Variants in FARS2 observed in about 807,000 individuals in gnomAD.
The protein encoded by FARS2 is phenylalanyl-tRNA synthetase 2, mitochondrial.
FARS2 carries 40 observed loss-of-function variants against 46.4 expected under a neutral mutation model. The ratio of observed to expected loss-of-function variants is 0.86; its 90% CI spans 0.67 to 1.12. The LOEUF (loss-of-function observed/expected upper bound fraction) is 1.12. Ranked by LOEUF, FARS2 falls within the 50% of genes most tolerant of loss-of-function variation. The pLI, the probability that FARS2 is intolerant of heterozygous loss-of-function variation, is 0.00. For synonymous variants in FARS2, 234 were observed against 214.9 expected (o/e 1.09, Z -0.78); for missense variants, 513 against 567.9 (o/e 0.90, Z 0.98).
intron 1 of FARS2, among the ~76,000 whole-genome samples, chr6:5,352,990 C>A (rs1757669383): frequency 6.6e-6 from 1 of 152,166 alleles, no homozygotes. Flanking sequence ...AATCACCCTT[C>A]TGCACAGTAG....
At chr6:5,733,753 A>G (rs981783741) in intron 6 of FARS2, among the ~76,000 whole-genome samples, 9 of 152,182 alleles carry the variant, frequency 5.9e-5, no homozygotes, top group Non-Finnish European at 1.3e-4. Flanking sequence ...CATAGCTGCC[A>G]CACACTGATA....
chr6:5,566,242 G>A (rs1406542351), intron 5 of FARS2, among the ~76,000 whole-genome samples: 2 of 152,116 alleles, frequency 1.3e-5, no homozygotes, highest in Non-Finnish European at 2.9e-5. Context: ...CGGGAGTGGG[G>A]ATGTTTCCTT....
chr6:5,701,403 G>A (rs990792047), intron 6 of FARS2, among the ~76,000 whole-genome samples: 3 of 152,222 alleles, frequency 2.0e-5, no homozygotes, highest in Non-Finnish European at 4.4e-5. Context: ...GTCATTGGGG[G>A]AAGCATGCAG....
At chr6:5,369,222 A>G (rs770466189) in intron 2 of FARS2, 40 bp downstream of exon 2, 5 of 1,581,454 alleles carry the variant, frequency 3.2e-6, no homozygotes, top group South Asian at 1.1e-5. Flanking sequence ...AGGATGTCAT[A>G]GACATTTTAT....
At chr6:5,304,976 G>T (rs959607800) in intron 1 of FARS2, among the ~76,000 whole-genome samples, 1 of 152,138 alleles carries the variant, frequency 6.6e-6, no homozygotes, top group African/African-American at 2.4e-5. Flanking sequence ...AAGGAGCTTG[G>T]TAGGAGCAGT....
At chr6:5,595,198 T>C (rs1774129208) in intron 5 of FARS2, among the ~76,000 whole-genome samples, 1 of 152,250 alleles carries the variant, frequency 6.6e-6, no homozygotes, top group African/African-American at 2.4e-5. Flanking sequence ...TCTCTAGCTC[T>C]GAGTTTGACC....
intron 6 of FARS2, among the ~76,000 whole-genome samples, chr6:5,687,006 A>G (rs1166760822): frequency 6.6e-6 from 1 of 152,200 alleles, no homozygotes; most frequent in African/African-American, 2.4e-5. Flanking sequence ...TCTTCTTTTG[A>G]GAAGTATCTG....
chr6:5,613,203 T>C lies in FARS2; in HGVS notation c.1100T>C (p.Ile367Thr). 6.2e-7 allele frequency: 1 copy of C among 1,613,536 alleles called. No homozygotes were observed. Among genetic ancestry groups the C allele is most frequent in the Non-Finnish European group, 8.5e-7 (1 of 1,179,734 alleles). ...LSKYPAVIND[I>T]SFWLPSENYA... ...AAATATCCGGCTGTGATCAATGATA[T>C]TTCATTCTGGTTGCCCTCTGAGAAT... Residue 367 changes from isoleucine (I) to threonine (T), a missense_variant, in exon 6 of 7, where the codon ATT becomes ACT. Coordinates refer to ENST00000274680, the MANE Select transcript of FARS2 (RefSeq NM_006567.5).
rs182512966 is a variant in FARS2, at chr6:5,710,053, G to C, written c.1218-61238G>C. Among the ~76,000 whole-genome samples, 114 of 152,286 alleles carry C rather than the reference G, an allele frequency of 7.5e-4. 1 individual carries two copies. In the Middle Eastern group the frequency reaches 0.014, roughly 18 times the overall value. On this transcript the variant is annotated intron_variant, in intron 6 of 6. Transcript: ENST00000274680. ...TGGCTGCTGGCCAACGCAGACCCTT[G>C]TCTCCTGAGATGAGTGGTTGGGCCT... is the stretch of plus-strand genomic sequence containing the variant.
At chr6:5,438,226 A>T (rs1395701578) in intron 4 of FARS2, among the ~76,000 whole-genome samples, 1 of 87,658 alleles carries the variant, frequency 1.1e-5, no homozygotes, top group Non-Finnish European at 2.5e-5. Flanking sequence ...AGTTACTTTC[A>T]AGGCTTCTAC....
chr6:5,470,453 A>G (rs1022917069), intron 4 of FARS2, among the ~76,000 whole-genome samples: 1 of 151,166 alleles, frequency 6.6e-6, no homozygotes, highest in African/African-American at 2.4e-5. Flanking sequence ...AGGGATGACT[A>G]TACACTACCC....
the FARS2 span, among the ~76,000 whole-genome samples, chr6:5,251,976 AAC>A: frequency 6.6e-6 from 1 of 152,196 alleles, no homozygotes; most frequent in Non-Finnish European, 1.5e-5. Flanking sequence ...CAGATTCCTA[AAC>A]ACGAATCATT....
At chr6:5,618,778 A>G (rs932167219) in intron 6 of FARS2, among the ~76,000 whole-genome samples, 17 of 152,218 alleles carry the variant, frequency 1.1e-4, no homozygotes, top group African/African-American at 3.9e-4. Context: ...TTGTAGTTCT[A>G]AACTTAATGT....
intron 6 of FARS2, among the ~76,000 whole-genome samples, chr6:5,754,731 C>T (rs1421791304): frequency 6.6e-6 from 1 of 152,180 alleles, no homozygotes; most frequent in Non-Finnish European, 1.5e-5. Flanking sequence ...GGTATTATTC[C>T]ATTAGCTCCT....
At chr6:5,724,536 A>G (rs1760128142) in intron 6 of FARS2, among the ~76,000 whole-genome samples, 1 of 152,100 alleles carries the variant, frequency 6.6e-6, no homozygotes, top group Non-Finnish European at 1.5e-5. Context: ...AGAAACCACC[A>G]CTAGTTGAGA....
At chr6:5,686,350 C>T (rs540868315) in intron 6 of FARS2, among the ~76,000 whole-genome samples, 9 of 148,492 alleles carry the variant, frequency 6.1e-5, no homozygotes, top group South Asian at 2.1e-4. Flanking sequence ...TCTCCCCCCC[C>T]GCTGCCCACA....
chr6:5,688,034 T>C (rs1348956391), intron 6 of FARS2, among the ~76,000 whole-genome samples: 1 of 152,234 alleles, frequency 6.6e-6, no homozygotes, highest in East Asian at 1.9e-4. Flanking sequence ...TACTTGTGAT[T>C]TTTGCACATT....
rs149470849 is a variant in FARS2, at chr6:5,467,976, G to A, written c.904+36804G>A. Among the ~76,000 whole-genome samples the A allele has an allele frequency of 2.3e-3, 348 of 152,260 alleles. 5 individuals are homozygous for A. The highest frequency in any genetic ancestry group is 3.6e-3 in the Non-Finnish European group (246 of 68,022). ...TAAATAGAATATATATTGGTGCAAC[G>A]TTTATTATTCATTTTCCTGACTGAG... On this transcript the variant is annotated intron_variant, in intron 4 of 6. Transcript: ENST00000274680.
chr6:5,274,728 T>G (rs1188631982), intron 1 of FARS2, among the ~76,000 whole-genome samples: 1 of 152,196 alleles, frequency 6.6e-6, no homozygotes, highest in Non-Finnish European at 1.5e-5. Context: ...CTTTTTTTTT[T>G]GAGACAGGGT....
Sources: gnomAD v4.1 joint callset for allele counts (sites outside exome capture counted in the v4.1 genomes callset) on GRCh38, gnomAD v4.1.1 for gene constraint, MANE v1.5 for transcripts, NCBI Gene and HGNC (gene_info 2026-07-23, HGNC 2026-07-21) for gene names.